EYA1: variants seen among roughly 807,000 people sequenced by gnomAD.
The protein encoded by EYA1 is EYA transcriptional coactivator and phosphatase 1.
A neutral mutation model predicts 82.0 loss-of-function variants in EYA1; 16 were observed. The ratio of observed to expected loss-of-function variants is 0.20; its 90% CI spans 0.13 to 0.30. EYA1 has a LOEUF of 0.30. Ranked by LOEUF, EYA1 falls within the 10% of genes least tolerant of loss-of-function variation. EYA1 has a pLI of 1.00. For missense variants in EYA1, 633 were observed against 730.7 expected, an observed-to-expected ratio of 0.87 and a Z score of 1.54; for synonymous variants, 261 against 264.4, an observed-to-expected ratio of 0.99 and a Z score of 0.12.
chr8:71,252,112 C>G (rs1336774400), intron 11 of EYA1, among the ~76,000 whole-genome samples: 1 of 151,938 alleles, frequency 6.6e-6, no homozygotes, highest in Admixed American at 6.6e-5. Flanking sequence ...CATCAGTGAG[C>G]TAAGGCATGT....
chr8:71,211,280 G>A (rs1270186327), intron 16 of EYA1, 24 bp from the exon 17 acceptor site: 1 of 1,496,564 alleles, frequency 6.7e-7, no homozygotes, highest in Non-Finnish European at 9.3e-7. Context: ...ATAAATGATA[G>A]AAAATGTGAA....
At chr8:71,362,308 G>T (rs1827478717), upstream of EYA1, 2 of 632,070 alleles carry the variant, frequency 3.2e-6, no homozygotes, top group Non-Finnish European at 3.9e-6. Context: ...TTATGTAAAT[G>T]AACGCGCCCC....
intron 4 of EYA1, among the ~76,000 whole-genome samples, chr8:71,325,451 A>C (rs1296749429): frequency 1.3e-5 from 2 of 152,136 alleles, no homozygotes; most frequent in Non-Finnish European, 2.9e-5. Context: ...GGGTCTTCTT[A>C]TTATCCTATT....
intron 2 of EYA1, among the ~76,000 whole-genome samples, chr8:71,386,056 T>C (rs975758956): frequency 2.6e-5 from 4 of 152,208 alleles, no homozygotes; most frequent in African/African-American, 9.6e-5. Context: ...CTTCACTGTA[T>C]TACTTTCACG....
chr8:71,525,073 T>C lies in EYA1; in HGVS notation c.33+10671A>G, dbSNP rs546777897. On this transcript the variant is annotated intron_variant, in intron 2 of 18. Transcript: ENST00000643681. ...CTCATGATCATTCTGAGATACCCAG[T>C]ATTGAAATACTATCCTCATTTTAGA... is the stretch of plus-strand genomic sequence containing the variant. Among the ~76,000 whole-genome samples the C allele has an allele frequency of 5.9e-5, 9 of 152,324 alleles. No homozygotes were observed. The East Asian group carries it at 1.7e-3, about 29-fold the overall frequency.
chr8:71,234,891 T>G (rs1811645302), intron 12 of EYA1, among the ~76,000 whole-genome samples: 1 of 152,138 alleles, frequency 6.6e-6, no homozygotes, highest in South Asian at 2.1e-4. Context: ...CAATACAGAA[T>G]GCTTGAATCC....
At chr8:71,470,676 A>T (rs1809119875) in intron 2 of EYA1, among the ~76,000 whole-genome samples, 1 of 152,054 alleles carries the variant, frequency 6.6e-6, no homozygotes. Context: ...GATATAGAAA[A>T]GATCAATCAT....
At chr8:71,236,571 G>T (rs554979090) in intron 12 of EYA1, among the ~76,000 whole-genome samples, 2 of 152,034 alleles carry the variant, frequency 1.3e-5, no homozygotes, top group East Asian at 3.9e-4. Context: ...AAAACCATGG[G>T]GGGTGGGTAT....
chr8:71,339,947 T>C (rs1259456092), intron 3 of EYA1, among the ~76,000 whole-genome samples: 1 of 152,122 alleles, frequency 6.6e-6, no homozygotes, highest in Non-Finnish European at 1.5e-5. Flanking sequence ...CACAATCATT[T>C]CTGTCCTGGC....
At chr8:71,444,382 A>G (rs1222568385) in intron 2 of EYA1, among the ~76,000 whole-genome samples, 1 of 152,244 alleles carries the variant, frequency 6.6e-6, no homozygotes, top group Non-Finnish European at 1.5e-5. Flanking sequence ...GCTTTCAGAA[A>G]GCGGAACCAC....
At chr8:71,282,452 C>T (rs1817914575) in intron 9 of EYA1, among the ~76,000 whole-genome samples, 1 of 152,198 alleles carries the variant, frequency 6.6e-6, no homozygotes, top group Admixed American at 6.5e-5. Flanking sequence ...TCTAATGTTC[C>T]TCTTTGTCAA....
rs1225953256 is a variant in EYA1 at position 71,239,964 on chromosome 8, T to C, written c.1140+4639A>G. Reference sequence around the variant, plus strand: ...GTGCTTTACTTGAAATCGAAGTTTCTTAACATTGGCGTAACTGATATTTTA... The same window carrying C: ...GTGCTTTACTTGAAATCGAAGTTTCCTAACATTGGCGTAACTGATATTTTA... On this transcript the variant is annotated intron_variant, in intron 12 of 17. Transcript: ENST00000340726. 1.8e-4 allele frequency among the ~76,000 whole-genome samples: 28 copies of C among 152,222 alleles called. 2 individuals are homozygous for C. The highest frequency in any genetic ancestry group is 1.8e-3 in the Admixed American group (28 of 15,282).
intron 2 of EYA1, among the ~76,000 whole-genome samples, chr8:71,407,767 C>CAG: frequency 7.3e-6 from 1 of 137,624 alleles, no homozygotes; most frequent in Non-Finnish European, 1.6e-5. Flanking sequence ...GAAAGTGATG[C>CAG]GGAGAATGGA....
intron 2 of EYA1, among the ~76,000 whole-genome samples, chr8:71,486,535 C>T (rs756589530): frequency 1.3e-5 from 2 of 152,174 alleles, no homozygotes; most frequent in Admixed American, 6.5e-5. Flanking sequence ...TCTATACCTG[C>T]CAGGTGGGTA....
intron 7 of EYA1, among the ~76,000 whole-genome samples, chr8:71,311,153 G>T (rs1425577725): frequency 6.6e-6 from 1 of 152,148 alleles, no homozygotes; most frequent in Non-Finnish European, 1.5e-5. Context: ...GTATTAGATG[G>T]AACCATAAAT....
intron 6 of EYA1, 134 bp downstream of exon 6, chr8:71,321,600 A>G: frequency 8.8e-7 from 1 of 1,141,384 alleles, no homozygotes; most frequent in East Asian, 2.6e-5. Context: ...AAACAATCAT[A>G]CTAAGAATTT....
At chr8:71,252,086 G>C (rs532898071) in intron 11 of EYA1, among the ~76,000 whole-genome samples, 4 of 151,912 alleles carry the variant, frequency 2.6e-5, no homozygotes, top group Non-Finnish European at 5.9e-5. Context: ...TTTCCTCTTG[G>C]GGCCCTGCTT....
At chr8:71,500,535 G>A (rs1811737522) in intron 2 of EYA1, among the ~76,000 whole-genome samples, 3 of 152,080 alleles carry the variant, frequency 2.0e-5, no homozygotes, top group African/African-American at 4.8e-5. Flanking sequence ...TAGGAGTCTC[G>A]TGTATGTACA....
intron 2 of EYA1, among the ~76,000 whole-genome samples, chr8:71,415,065 C>G (rs1002218374): frequency 6.6e-6 from 1 of 152,178 alleles, no homozygotes. Flanking sequence ...CATCACATAA[C>G]AGTAGAAAAC....
Sources: allele counts gnomAD v4.1 joint callset (sites outside exome capture counted in the v4.1 genomes callset), GRCh38; gene constraint gnomAD v4.1.1; transcripts MANE v1.5; gene names NCBI Gene and HGNC (gene_info 2026-07-23, HGNC 2026-07-21).